PRRX1: variants seen among roughly 807,000 people sequenced by gnomAD.
The protein encoded by PRRX1 is paired mesoderm homeobox protein 1.
A neutral mutation model predicts 24.0 loss-of-function variants in PRRX1; 8 were observed. The observed-to-expected ratio is 0.33, with a 90% confidence interval of 0.20 to 0.60. The LOEUF is 0.60. Among genes scored for constraint, PRRX1 ranks in the 20% least tolerant of loss-of-function variants. PRRX1 has a pLI of 0.82. For synonymous variants in PRRX1, 160 were observed against 131.7 expected, an observed-to-expected ratio of 1.22 and a Z score of -1.47; for missense variants, 281 against 322.4, an observed-to-expected ratio of 0.87 and a Z score of 0.98.
intron 1 of PRRX1, among the ~76,000 whole-genome samples, chr1:170,704,750 T>TA (rs1654502818): frequency 6.6e-6 from 1 of 152,192 alleles, no homozygotes; most frequent in South Asian, 2.1e-4. Context: ...TGGTGTGTAA[T>TA]AGACTATACC....
At chr1:170,723,964 T>C (rs1316839090) in intron 2 of PRRX1, among the ~76,000 whole-genome samples, 1 of 152,214 alleles carries the variant, frequency 6.6e-6, no homozygotes. Flanking sequence ...GGTGCATGAC[T>C]GTATTTAATC....
intron 1 of PRRX1, among the ~76,000 whole-genome samples, chr1:170,675,292 G>A (rs1282389582): frequency 2.0e-5 from 3 of 152,116 alleles, no homozygotes; most frequent in Non-Finnish European, 2.9e-5. Context: ...AAAAGCCTGC[G>A]TAATACCTAA....
intron 1 of PRRX1, 140 bp from the exon 2 acceptor site, chr1:170,719,586 A>G: frequency 1.1e-6 from 1 of 933,168 alleles, no homozygotes; most frequent in Non-Finnish European, 1.7e-6. Context: ...TTGCACATGC[A>G]AAGTGGCATT....
chr1:170,736,166 C>G lies in PRRX1; in HGVS notation c.718C>G (p.Gln240Glu). ...KAKEYSLQRN[Q>E]VPTVN is the part of the protein sequence containing the mutation. ...CAAGGAATATAGTTTACAGAGGAAC[C>G]AGGTGCCAACAGTCAACTGAGGAAA... is the stretch of plus-strand genomic sequence containing the variant. The change falls in exon 4 of 4, where the codon CAG becomes GAG. Residue 240 changes from glutamine (Q) to glutamate (E), a missense_variant. Coordinates refer to ENST00000239461, the MANE Select transcript of PRRX1 (RefSeq NM_022716.4). The G allele has an allele frequency of 6.2e-7, 1 of 1,614,152 alleles. No individual in the cohort carries two copies. The highest frequency in any genetic ancestry group is 1.7e-5 in the Admixed American group (1 of 60,008).
intron 1 of PRRX1, among the ~76,000 whole-genome samples, chr1:170,665,110 G>A (rs1289633289): frequency 6.6e-6 from 1 of 152,176 alleles, no homozygotes; most frequent in Non-Finnish European, 1.5e-5. Flanking sequence ...TCAAAAGCCC[G>A]GCTGGCTTGG....
chr1:170,718,665 G>T (rs1194839831), intron 1 of PRRX1, among the ~76,000 whole-genome samples: 1 of 152,218 alleles, frequency 6.6e-6, no homozygotes, highest in Non-Finnish European at 1.5e-5. Context: ...TGGAGCATGT[G>T]ACTTGGGTTT....
chr1:170,733,036 T>C (rs1431308932), intron 3 of PRRX1, among the ~76,000 whole-genome samples: 1 of 152,150 alleles, frequency 6.6e-6, no homozygotes, highest in Non-Finnish European at 1.5e-5. Context: ...TAATAGATGA[T>C]CTGAATTCCC....
At chr1:170,729,204 T>TA (rs374738145) in intron 3 of PRRX1, among the ~76,000 whole-genome samples, 219 of 152,296 alleles carry the variant, frequency 1.4e-3, no homozygotes, top group African/African-American at 5.0e-3. Context: ...TTGAAAGTAG[T>TA]AAAAAAAGTA....
At chr1:170,708,903 G>A (rs554897101) in intron 1 of PRRX1, among the ~76,000 whole-genome samples, 7 of 152,296 alleles carry the variant, frequency 4.6e-5, no homozygotes, top group Admixed American at 4.6e-4. Context: ...TACAGAAACT[G>A]ATCCCTGAAA....
intron 3 of PRRX1, chr1:170,730,201 G>A: frequency 4.8e-6 from 6 of 1,241,596 alleles, no homozygotes; most frequent in Non-Finnish European, 4.8e-6. Context: ...CCCCTCATTT[G>A]ATCGTGGTCA....
At chr1:170,695,710 G>C (rs1352020254) in intron 1 of PRRX1, among the ~76,000 whole-genome samples, 1 of 152,134 alleles carries the variant, frequency 6.6e-6, no homozygotes, top group Admixed American at 6.6e-5. Context: ...TCTGTAAAGA[G>C]TCCCTGAGTG....
intron 1 of PRRX1, among the ~76,000 whole-genome samples, chr1:170,704,633 C>T (rs1268674548): frequency 6.6e-6 from 1 of 152,176 alleles, no homozygotes; most frequent in African/African-American, 2.4e-5. Flanking sequence ...TTCCTGTTTC[C>T]TGTCCTTAGC....
At chr1:170,716,092 C>A (rs189095222) in intron 1 of PRRX1, among the ~76,000 whole-genome samples, 1 of 152,106 alleles carries the variant, frequency 6.6e-6, no homozygotes. Context: ...TGGTTGAATT[C>A]GACAATTTCA....
chr1:170,680,893 A>G (rs1653483163), intron 1 of PRRX1, among the ~76,000 whole-genome samples: 1 of 152,258 alleles, frequency 6.6e-6, no homozygotes, highest in South Asian at 2.1e-4. Flanking sequence ...GACTTCTATA[A>G]TGTGACTGTA....
intron 1 of PRRX1, among the ~76,000 whole-genome samples, chr1:170,704,390 A>C (rs1654493533): frequency 1.3e-5 from 2 of 152,222 alleles, no homozygotes; most frequent in South Asian, 4.1e-4. Context: ...TCTAAAGTTC[A>C]AGAATCTCTA....
At chr1:170,675,129 C>A (rs772058579) in intron 1 of PRRX1, among the ~76,000 whole-genome samples, 3 of 152,216 alleles carry the variant, frequency 2.0e-5, no homozygotes, top group Non-Finnish European at 4.4e-5. Context: ...ATTGTGAAAG[C>A]TGTGGCATCA....
intron 3 of PRRX1, chr1:170,727,671 C>T (rs1571348962): frequency 6.6e-6 from 1 of 152,274 alleles, no homozygotes. Context: ...GGTAAATGCA[C>T]TTGGAAATTT....
intron 1 of PRRX1, among the ~76,000 whole-genome samples, chr1:170,679,432 C>G (rs1398343422): frequency 6.6e-6 from 1 of 152,118 alleles, no homozygotes; most frequent in Non-Finnish European, 1.5e-5. Context: ...CGGAGTCTGG[C>G]TCTGTTGCCC....
At chr1:170,714,852 T>C (rs141748242) in intron 1 of PRRX1, among the ~76,000 whole-genome samples, 1 of 152,304 alleles carries the variant, frequency 6.6e-6, no homozygotes, top group Non-Finnish European at 1.5e-5. Flanking sequence ...TATTGTTCTC[T>C]TTAACTCATA....
Sources: gnomAD v4.1 joint callset for allele counts (sites outside exome capture counted in the v4.1 genomes callset) on GRCh38, gnomAD v4.1.1 for gene constraint, MANE v1.5 for transcripts, NCBI Gene and HGNC (gene_info 2026-07-23, HGNC 2026-07-21) for gene names.